PHKB: variants seen among roughly 807,000 people sequenced by gnomAD.
The protein encoded by PHKB is phosphorylase b kinase regulatory subunit beta.
PHKB carries 122 observed loss-of-function variants against 152.1 expected under a neutral mutation model. The ratio of observed to expected loss-of-function variants is 0.80; its 90% CI spans 0.69 to 0.93. The LOEUF is 0.93. PHKB is among the 40% of genes least tolerant of loss of function. The pLI is 0.00. For missense variants in PHKB, 1,304 were observed against 1,328.4 expected, an observed-to-expected ratio of 0.98 and a Z score of 0.29; for synonymous variants, 436 against 464.9, an observed-to-expected ratio of 0.94 and a Z score of 0.80.
chr16:47,539,626 AT>A (rs1468993433), intron 6 of PHKB, among the ~76,000 whole-genome samples: 10 of 152,152 alleles, frequency 6.6e-5, no homozygotes, highest in Middle Eastern at 3.2e-3. Flanking sequence ...ATTAGAAAAA[AT>A]ATATAATAGT....
intron 6 of PHKB, among the ~76,000 whole-genome samples, chr16:47,532,506 G>A (rs916705682): frequency 1.3e-5 from 2 of 152,226 alleles, no homozygotes; most frequent in African/African-American, 4.8e-5. Flanking sequence ...AGCCAGATGT[G>A]GAGTGGTGAG....
chr16:47,531,698 G>A (rs573148520), intron 6 of PHKB, among the ~76,000 whole-genome samples: 13 of 152,168 alleles, frequency 8.5e-5, no homozygotes, highest in Middle Eastern at 3.4e-3. Context: ...GCAATATTAC[G>A]TATATAATGT....
chr16:47,554,587 C>A (rs1329883478), intron 7 of PHKB, among the ~76,000 whole-genome samples: 1 of 152,060 alleles, frequency 6.6e-6, no homozygotes, highest in Non-Finnish European at 1.5e-5. Context: ...CTGCAGCTAG[C>A]TCGGTGTCTT....
intron 6 of PHKB, among the ~76,000 whole-genome samples, chr16:47,524,663 G>T (rs1283088865): frequency 6.6e-6 from 1 of 152,166 alleles, no homozygotes; most frequent in Non-Finnish European, 1.5e-5. Flanking sequence ...TGCAGTATCT[G>T]TGTATTTTGA....
rs146857066 is a variant in PHKB at position 47,652,961 on chromosome 16, G to C, written c.1971+2040G>C. 4.6e-4 allele frequency among the ~76,000 whole-genome samples: 69 copies of C among 151,104 alleles called. 1 individual carries two copies. The highest frequency in any genetic ancestry group is 1.5e-3 in the African/African-American group (62 of 41,202). ...ACCAACCTCATTGTGGCTTTGATTC[G>C]CATTTCTTTGATGCTTAGTGATATT... On this transcript the variant is annotated intron_variant, in intron 20 of 30. Coordinates refer to ENST00000323584, the MANE Select transcript of PHKB (RefSeq NM_000293.3).
chr16:47,587,105 A>G (rs1175484116), intron 8 of PHKB, among the ~76,000 whole-genome samples: 3 of 152,196 alleles, frequency 2.0e-5, no homozygotes, highest in South Asian at 2.1e-4. Context: ...CAATATCTAC[A>G]TACGGATGTT....
At chr16:47,593,205 G>A (rs1972060456) in intron 10 of PHKB, among the ~76,000 whole-genome samples, 1 of 147,808 alleles carries the variant, frequency 6.8e-6, no homozygotes, top group Non-Finnish European at 1.5e-5. Flanking sequence ...GAGAGAGAGA[G>A]GGAGAAAGAA....
At chr16:47,697,543 A>G (rs76080507) in intron 29 of PHKB, among the ~76,000 whole-genome samples, 85 of 152,142 alleles carry the variant, frequency 5.6e-4, no homozygotes, top group African/African-American at 1.9e-3. Flanking sequence ...TCATATTCTC[A>G]TGGCTAAAGG....
chr16:47,637,159 G>A (rs986523817), intron 14 of PHKB, among the ~76,000 whole-genome samples: 1 of 152,112 alleles, frequency 6.6e-6, no homozygotes, highest in Non-Finnish European at 1.5e-5. Context: ...ACACTCATCG[G>A]AATGGCCTGC....
intron 14 of PHKB, among the ~76,000 whole-genome samples, chr16:47,611,642 TA>T (rs531272310): frequency 2.0e-4 from 30 of 151,050 alleles, no homozygotes; most frequent in Non-Finnish European, 2.7e-4. Flanking sequence ...TCCTTATATT[TA>T]AAAAAAAATG....
intron 26 of PHKB, among the ~76,000 whole-genome samples, chr16:47,685,701 T>G (rs1314808205): frequency 1.3e-5 from 2 of 152,138 alleles, no homozygotes; most frequent in Non-Finnish European, 2.9e-5. Flanking sequence ...AAAGATTAGT[T>G]TGACCAACAA....
chr16:47,578,889 C>A (rs1429039499), intron 7 of PHKB, among the ~76,000 whole-genome samples: 1 of 151,934 alleles, frequency 6.6e-6, no homozygotes, highest in East Asian at 1.9e-4. Context: ...TTTATTTTTG[C>A]TAGGCTGCTC....
intron 26 of PHKB, among the ~76,000 whole-genome samples, chr16:47,680,526 T>A (rs779002141): frequency 6.6e-6 from 1 of 152,226 alleles, no homozygotes; most frequent in Non-Finnish European, 1.5e-5. Context: ...AATTTATCCA[T>A]TTCTTCTAGA....
At chr16:47,686,951 A>G (rs1031744202) in intron 26 of PHKB, among the ~76,000 whole-genome samples, 1 of 152,190 alleles carries the variant, frequency 6.6e-6, no homozygotes, top group Non-Finnish European at 1.5e-5. Flanking sequence ...GTTATCCCCG[A>G]AATGACTTTT....
chr16:47,681,272 G>T (rs1973849152), intron 26 of PHKB, among the ~76,000 whole-genome samples: 1 of 151,424 alleles, frequency 6.6e-6, no homozygotes, highest in Non-Finnish European at 1.5e-5. Context: ...GAGTTCTGTA[G>T]ATGTCTATTA....
rs1973483546 is a variant in PHKB, at chr16:47,663,675, A to G, written c.2279-2A>G. 1 of 1,610,742 alleles carries G rather than the reference A, an allele frequency of 6.2e-7. No homozygotes were observed. Among genetic ancestry groups the G allele is most frequent in the Non-Finnish European group, 8.5e-7 (1 of 1,177,072 alleles). Reference sequence around the variant, plus strand: ...ACAAAGACTCTATTATCCAATGTCTAGGTACCGTTTCTGATCACATTGAGA... The same window carrying G: ...ACAAAGACTCTATTATCCAATGTCTGGGTACCGTTTCTGATCACATTGAGA... On this transcript the variant is annotated splice_acceptor_variant, in intron 23 of 30. Transcript: ENST00000323584. LOFTEE classifies it high-confidence loss of function.
chr16:47,594,019 A>G, intron 11 of PHKB, 118 bp from the exon 12 acceptor site: 5 of 638,992 alleles, frequency 7.8e-6, no homozygotes, highest in South Asian at 3.8e-5. Context: ...TAATTTTACC[A>G]TTGGCATAGA....
At chr16:47,663,903 C>G (rs141479603) in intron 24 of PHKB, 169 bp downstream of exon 24, 6 of 639,828 alleles carry the variant, frequency 9.4e-6, no homozygotes, top group South Asian at 3.7e-5. Context: ...TCTGTCCCCC[C>G]ACTGCCTCCA....
rs1971527924 is a variant in PHKB, at chr16:47,564,319, T to G, written c.711-15976T>G. On this transcript the variant is annotated intron_variant, in intron 7 of 30. Coordinates refer to ENST00000323584, the MANE Select transcript of PHKB (RefSeq NM_000293.3). ...TAGTGTATAAGTGTTCCCGTTTCAC[T>G]GCATCCACACCAACATCTGTTGTTT... Among the ~76,000 whole-genome samples, 3 of 152,132 alleles carry G rather than the reference T, an allele frequency of 2.0e-5. No individual in the cohort carries two copies. In the South Asian group the frequency reaches 6.2e-4, roughly 32 times the overall value.
Sources: gnomAD v4.1 joint callset for allele counts (sites outside exome capture counted in the v4.1 genomes callset) on GRCh38, gnomAD v4.1.1 for gene constraint, MANE v1.5 for transcripts, NCBI Gene and HGNC (gene_info 2026-07-23, HGNC 2026-07-21) for gene names.